DNHD1: variants seen among roughly 807,000 people sequenced by gnomAD.
The protein encoded by DNHD1 is dynein heavy chain domain 1.
A neutral mutation model predicts 458.1 loss-of-function variants in DNHD1; 383 were observed. The observed-to-expected ratio is 0.84, with a 90% CI of 0.77 to 0.91. DNHD1 has a LOEUF of 0.91. DNHD1 is among the 40% of genes least tolerant of loss of function. DNHD1 has a pLI of 0.00. For synonymous variants in DNHD1, 2,203 were observed against 2,376.9 expected (o/e 0.93, Z 2.13); for missense variants, 5,336 against 5,866.1 (o/e 0.91, Z 2.95).
At chr11:6,562,445 A>G (rs956962040) in intron 28 of DNHD1, among the ~76,000 whole-genome samples, 1 of 152,210 alleles carries the variant, frequency 6.6e-6, no homozygotes, top group Non-Finnish European at 1.5e-5. Flanking sequence ...GAGATTTGGC[A>G]GTTGGAACGT....
intron 7 of DNHD1, among the ~76,000 whole-genome samples, chr11:6,518,200 A>G (rs1852528627): frequency 6.6e-6 from 1 of 152,162 alleles, no homozygotes; most frequent in Non-Finnish European, 1.5e-5. Flanking sequence ...CTGGGACTAC[A>G]GCAGTTGATA....
chr11:6,568,326 A>G, intron 37 of DNHD1, 84 bp downstream of exon 37: 1 of 1,545,878 alleles, frequency 6.5e-7, no homozygotes. Context: ...ATGGCCAGTG[A>G]CCTAGCACCA....
chr11:6,502,424 C>T (rs1285217285), intron 3 of DNHD1, among the ~76,000 whole-genome samples: 1 of 152,194 alleles, frequency 6.6e-6, no homozygotes, highest in African/African-American at 2.4e-5. Flanking sequence ...ATAAAGTCTT[C>T]CCATTATTTG....
chr11:6,539,712 A>G (rs1260378915), intron 17 of DNHD1, among the ~76,000 whole-genome samples, 164 bp from the exon 18 acceptor site: 6 of 152,176 alleles, frequency 3.9e-5, no homozygotes, highest in African/African-American at 1.4e-4. Context: ...CCGATGGCCT[A>G]TCTTTGAAGC....
In DNHD1 at chr11:6,570,916, C is replaced by T; in HGVS notation, c.13404C>T (p.Ala4468=). ...TGATTCGCCAAGACGAGTCCGACGC[C>T]CCGTGGTCAGTGCTGGGGCCAAATG... The part of the protein sequence containing the change: ...THVIRQDESD[A]PWSVLGPNAR... Residue 4468 remains alanine, a synonymous_variant, in exon 42 of 43, where the codon GCC becomes GCT. Transcript: ENST00000254579. 1 of 1,613,234 alleles carries T rather than the reference C, an allele frequency of 6.2e-7. No individual in the cohort carries two copies. The highest frequency in any genetic ancestry group is 8.5e-7 in the Non-Finnish European group (1 of 1,179,222).
chr11:6,504,588 T>G (rs1852194180), intron 4 of DNHD1, among the ~76,000 whole-genome samples: 2 of 152,342 alleles, frequency 1.3e-5, no homozygotes, highest in South Asian at 4.1e-4. Context: ...TAGCTGGGAT[T>G]ACAGGCATGT....
chr11:6,563,132 G>C lies in DNHD1; in HGVS notation c.9669+1G>C, dbSNP rs1564822322. The C allele has an allele frequency of 6.4e-7, 1 of 1,551,568 alleles. No homozygotes were observed. The highest frequency in any genetic ancestry group is 2.0e-5 in the Admixed American group (1 of 50,990). On this transcript the variant is annotated splice_donor_variant, in intron 29 of 42. Transcript: ENST00000254579. LOFTEE classifies it high-confidence loss of function. Reference sequence around the variant, plus strand: ...TCAGCGAGAGGCTTTCCTGGAGCAGGTGGGCTCTTCCTGCCGCCTGCCCTG... The same window carrying C: ...TCAGCGAGAGGCTTTCCTGGAGCAGCTGGGCTCTTCCTGCCGCCTGCCCTG...
At position 6,570,733 on chromosome 11, in the gene DNHD1, A is replaced by G. The variant is rs770396021; in HGVS notation, c.13221A>G (p.Arg4407=). The change falls in exon 42 of 43, where the codon CGA becomes CGG. Residue 4407 remains arginine, a synonymous_variant. Coordinates refer to ENST00000254579, the MANE Select transcript of DNHD1 (RefSeq NM_144666.3). ...LSEGPQAWLL[R]RQSRALLSAL... ...AGGGCCCCCAAGCCTGGCTGTTGCG[A>G]CGCCAGAGTCGCGCTCTCTTGAGTG... The G allele has an allele frequency of 1.5e-5, 24 of 1,611,178 alleles. No individual in the cohort carries two copies. The highest frequency in any genetic ancestry group is 8.4e-5 in the Admixed American group (5 of 59,614).
In DNHD1 at chr11:6,571,002, G is replaced by GCA. The variant is rs553960466; in HGVS notation, c.13492_13493dup (p.Leu4499ArgfsTer13). ...GCTCTAGAACTGAGCCAGTTGGTGG[G>GCA]CACGCTACAACGCGACCTTGATTGC... On this transcript the variant is annotated frameshift_variant, in exon 42 of 43. Coordinates refer to ENST00000254579, the MANE Select transcript of DNHD1 (RefSeq NM_144666.3). LOFTEE classifies it high-confidence loss of function. The surrounding 1 kb of genome is among the most constrained non-coding windows in gnomAD (Gnocchi z 5.0). 1.3e-5 allele frequency: 21 copies of GCA among 1,600,048 alleles called. No homozygotes were observed. The highest frequency in any genetic ancestry group is 1.8e-5 in the Non-Finnish European group (21 of 1,170,498).
intron 4 of DNHD1, among the ~76,000 whole-genome samples, chr11:6,506,095 G>A (rs1347557343): frequency 1.3e-5 from 2 of 152,130 alleles, no homozygotes; most frequent in Non-Finnish European, 1.5e-5. Flanking sequence ...GCCAAAGAAG[G>A]AAACCCATTG....
At position 6,540,022 on chromosome 11, in the gene DNHD1, G is replaced by A. The variant is rs1853063604; in HGVS notation, c.3567G>A (p.Gln1189=). Residue 1189 remains glutamine, a synonymous_variant, in exon 18 of 43, where the codon CAG becomes CAA. Transcript: ENST00000254579. ...CAGCCTCAGAGCGCTCCAAGAGGCA[G>A]GTGCTCCGCAGCCCCCAATGGGAGG... is the stretch of plus-strand genomic sequence containing the variant. ...EPPASERSKR[Q]VLRSPQWEVV... is the part of the protein sequence containing the mutation. 1 of 1,551,708 alleles carries A rather than the reference G, an allele frequency of 6.4e-7. No homozygotes were observed. Among genetic ancestry groups the A allele is most frequent in the Non-Finnish European group, 8.7e-7 (1 of 1,146,944 alleles).
Position 6,566,406 on chromosome 11 carries a change from G to A in DNHD1, c.11206+13G>A, listed in dbSNP as rs999204444. ...GCCATGGAAAAAGGTGAGGCCCAGAGGGCAAATTGCCAGCACAGTTGTGTG... is the reference window on the plus strand; with the variant it reads ...GCCATGGAAAAAGGTGAGGCCCAGAAGGCAAATTGCCAGCACAGTTGTGTG... On this transcript the variant is annotated intron_variant, in intron 34 of 42. Transcript: ENST00000254579. 7 of 1,557,880 alleles carry A rather than the reference G, an allele frequency of 4.5e-6. No homozygotes were observed. The African/African-American group carries it at 9.6e-5, about 21-fold the overall frequency.
Position 6,568,256 on chromosome 11 carries a change from C to T in DNHD1, c.12538+14C>T. ...GCAGAGCCAAGGGTGAGTTTATTGC[C>T]TAGATTGGCTTCCAGGATCCTATCC... On this transcript the variant is annotated intron_variant, in intron 37 of 42. Coordinates refer to ENST00000254579, the MANE Select transcript of DNHD1 (RefSeq NM_144666.3). 6.5e-7 allele frequency: 1 copy of T among 1,541,568 alleles called. No individual in the cohort carries two copies. The highest frequency in any genetic ancestry group is 8.8e-7 in the Non-Finnish European group (1 of 1,139,308).
chr11:6,568,509 A>G lies in DNHD1; in HGVS notation c.12594A>G (p.Val4198=), dbSNP rs770992644. 3.0e-5 allele frequency: 49 copies of G among 1,613,874 alleles called. No homozygotes were observed. In the South Asian group the frequency reaches 5.0e-4, roughly 17 times the overall value. ...QLLDQPESRN[V]STVHRDFRLW... ...TAGACCAACCTGAAAGCAGGAATGT[A>G]AGCACTGTTCACAGAGATTTTCGTC... The change falls in exon 38 of 43, where the codon GTA becomes GTG. Residue 4198 remains valine (V), a synonymous_variant. Transcript: ENST00000254579.
chr11:6,541,281 T>C (rs992771364), intron 18 of DNHD1, among the ~76,000 whole-genome samples: 2 of 152,242 alleles, frequency 1.3e-5, no homozygotes, highest in African/African-American at 4.8e-5. Flanking sequence ...ACTGAAGCTT[T>C]CTGTGGTTTC....
intron 7 of DNHD1, 22 bp downstream of exon 7, chr11:6,511,451 G>C (rs1852334515): frequency 6.2e-7 from 1 of 1,609,026 alleles, no homozygotes; most frequent in Non-Finnish European, 8.5e-7. Flanking sequence ...TTAGTTTATT[G>C]TGGACCTCTT....
At chr11:6,544,043 T>C (rs1323932266) in intron 18 of DNHD1, 78 bp from the exon 19 acceptor site, 2 of 1,445,338 alleles carry the variant, frequency 1.4e-6, no homozygotes, top group East Asian at 2.6e-5. Flanking sequence ...TCCTGGAAGG[T>C]TCCCCTGGTC....
At chr11:6,544,055 C>T in intron 18 of DNHD1, 66 bp from the exon 19 acceptor site, 3 of 1,528,856 alleles carry the variant, frequency 2.0e-6, no homozygotes, top group Non-Finnish European at 1.8e-6. Flanking sequence ...CCCCTGGTCT[C>T]CTCTTCTCTC....
rs1853197339 is a variant in DNHD1 at position 6,545,703 on chromosome 11, G to A, written c.4764G>A (p.Leu1588=). The A allele has an allele frequency of 6.4e-7, 1 of 1,551,686 alleles. No homozygotes were observed. The highest frequency in any genetic ancestry group is 2.4e-5 in the East Asian group (1 of 40,924). ...CTCACCGGGATATAGCACAGCTGCT[G>A]GAACAGCACCAGGTCAGTGATCTCA... ...AVTHRDIAQL[L]EQHQVSDLTD... is the part of the protein sequence containing the mutation. The change falls in exon 21 of 43, where the codon CTG becomes CTA. Residue 1588 remains leucine, a synonymous_variant. Transcript: ENST00000254579. The surrounding 1 kb of genome is among the most constrained non-coding windows in gnomAD (Gnocchi z 4.9).
Sources: allele counts gnomAD v4.1 joint callset (sites outside exome capture counted in the v4.1 genomes callset), GRCh38; gene constraint gnomAD v4.1.1; non-coding constraint Gnocchi (gnomAD v3.1); transcripts MANE v1.5; gene names NCBI Gene and HGNC (gene_info 2026-07-23, HGNC 2026-07-21).